The following RTN2 variants were observed in gnomAD, a reference collection of about 807,000 sequenced individuals.
The protein encoded by RTN2 is reticulon 2.
Under a neutral mutation model 63.7 loss-of-function variants are expected in RTN2, and 36 were observed. That is an observed-to-expected ratio of 0.56 (90% CI 0.43 to 0.75). RTN2 has a LOEUF of 0.75. Among genes scored for constraint, RTN2 ranks in the 30% least tolerant of loss-of-function variants. RTN2 has a pLI of 0.00. For missense variants in RTN2, 673 were observed against 705.1 expected (o/e 0.95, Z 0.52); for synonymous variants, 312 against 313.0 (o/e 1.00, Z 0.03).
At chr19:45,491,192 A>AT (rs540698296) in intron 5 of RTN2, among the ~76,000 whole-genome samples, 15,326 of 141,190 alleles carry the variant, frequency 0.11, 866 homozygotes, top group East Asian at 0.2. Flanking sequence ...GCCCGGCCAC[A>AT]TTTTTTTTTT....
chr19:45,494,351 C>G lies in RTN2; in HGVS notation c.629G>C (p.Gly210Ala), dbSNP rs1373344868. ...AGTACCGGCCTGGGGTGTCCCAGAGCCCGGACTGAGCTGGGGAGTCAAGAC... is the reference window on the plus strand; with the variant it reads ...AGTACCGGCCTGGGGTGTCCCAGAGGCCGGACTGAGCTGGGGAGTCAAGAC... ...PEVLTPQLSP[G>A]SGTPQAGTPS... Residue 210 changes from glycine to alanine, a missense_variant, in exon 4 of 11, where the codon GGC becomes GCC. Gly to Ala is a moderately conservative substitution (Grantham distance 60, BLOSUM62 0). Transcript: ENST00000245923. The surrounding 1 kb of genome is among the most constrained non-coding windows in gnomAD (Gnocchi z 5.3). 1 of 1,614,028 alleles carries G rather than the reference C, an allele frequency of 6.2e-7. No individual in the cohort carries two copies. Among genetic ancestry groups the G allele is most frequent in the Non-Finnish European group, 8.5e-7 (1 of 1,180,046 alleles).
At chr19:45,486,425 G>A (rs569549233) in intron 9 of RTN2, among the ~76,000 whole-genome samples, 42 of 152,298 alleles carry the variant, frequency 2.8e-4, no homozygotes, top group African/African-American at 9.9e-4. Context: ...TGTGGGGTAG[G>A]GTGAGAACAG....
chr19:45,487,609 A>T, intron 9 of RTN2, among the ~76,000 whole-genome samples: 1 of 123,424 alleles, frequency 8.1e-6, no homozygotes, highest in Admixed American at 8.8e-5. Flanking sequence ...TTTTTGAGAC[A>T]GACTCTTGCT....
intron 4 of RTN2, among the ~76,000 whole-genome samples, chr19:45,493,652 C>T (rs546050866): frequency 6.6e-6 from 1 of 152,178 alleles, no homozygotes; most frequent in South Asian, 2.1e-4. Flanking sequence ...ACGGCCACAT[C>T]TAAATAAGGA....
At position 45,494,326 on chromosome 19, in the gene RTN2, A is replaced by G; in HGVS notation, c.654T>C (p.Thr218=). Residue 218 remains threonine, a synonymous_variant, in exon 4 of 11, where the codon ACT becomes ACC. Transcript: ENST00000245923. The surrounding 1 kb of genome is among the most constrained non-coding windows in gnomAD (Gnocchi z 5.3). The part of the protein sequence containing the change: ...SPGSGTPQAG[T]PSPSRSRDSN... ...AATCTCGCGATCGGGATGGGGACGG[A>G]GTACCGGCCTGGGGTGTCCCAGAGC... 1 of 1,614,116 alleles carries G rather than the reference A, an allele frequency of 6.2e-7. No individual in the cohort carries two copies. The highest frequency in any genetic ancestry group is 8.5e-7 in the Non-Finnish European group (1 of 1,180,020).
At position 45,494,466 on chromosome 19, in the gene RTN2, G is replaced by A. The variant is rs771540486; in HGVS notation, c.560-46C>T. 20 of 1,602,784 alleles carry A rather than the reference G, an allele frequency of 1.2e-5. No homozygotes were observed. In the East Asian group the frequency reaches 3.6e-4, roughly 29 times the overall value. ...GGCCGTGAGCTTTCTTCTTGGAGGT[G>A]CCCCAAGGAGAAACCACCCACCCCT... is the stretch of plus-strand genomic sequence containing the variant. On this transcript the variant is annotated intron_variant, in intron 3 of 10. Coordinates refer to ENST00000245923, the MANE Select transcript of RTN2 (RefSeq NM_005619.5). The surrounding 1 kb of genome is among the most constrained non-coding windows in gnomAD (Gnocchi z 5.3).
At chr19:45,487,942 C>CAA (rs1310199487) in intron 9 of RTN2, among the ~76,000 whole-genome samples, 19 of 67,346 alleles carry the variant, frequency 2.8e-4, no homozygotes, top group African/African-American at 6.6e-4. Flanking sequence ...GACTCCATCT[C>CAA]AAAAAAAAAA....
chr19:45,489,973 C>T (rs766863551), intron 5 of RTN2, among the ~76,000 whole-genome samples: 23 of 152,070 alleles, frequency 1.5e-4, no homozygotes, highest in Non-Finnish European at 3.1e-4. Context: ...ACGTGTGAGG[C>T]ACAGCACACA....
At position 45,488,867 on chromosome 19, in the gene RTN2, T is replaced by C; in HGVS notation, c.1361A>G (p.Asp454Gly). 6.2e-7 allele frequency: 1 copy of C among 1,603,100 alleles called. No homozygotes were observed. The highest frequency in any genetic ancestry group is 1.7e-4 in the Middle Eastern group (1 of 6,046). The change falls in exon 7 of 11, where the codon GAC becomes GGC. Residue 454 changes from aspartate to glycine, a missense_variant. Physicochemically the swap from Asp to Gly is moderately conservative, Grantham distance 94 (BLOSUM62 -1). Transcript: ENST00000245923. ...TQLRHFFLVE[D>G]LVDSLKLALL... is the part of the protein sequence containing the mutation. ...GGCCACCTTGAGGGAATCCACGAGG[T>C]CTTCTACCAGGAAGAAGTGCCGCAG...
intron 10 of RTN2, 96 bp from the exon 11 acceptor site, chr19:45,485,885 A>G: frequency 8.2e-7 from 1 of 1,226,482 alleles, no homozygotes; most frequent in South Asian, 1.2e-5. Context: ...ACTGACCAAG[A>G]GCCCGAAGCC....
Position 45,494,474 on chromosome 19 carries a change from G to A in RTN2, c.559+52C>T, listed in dbSNP as rs1968228421. 1.2e-6 allele frequency: 2 copies of A among 1,603,780 alleles called. No homozygotes were observed. Among genetic ancestry groups the A allele is most frequent in the African/African-American group, 1.3e-5 (1 of 74,574 alleles). On this transcript the variant is annotated intron_variant, in intron 3 of 10. Coordinates refer to ENST00000245923, the MANE Select transcript of RTN2 (RefSeq NM_005619.5). This position sits in a 1 kb window ranked among gnomAD's most constrained non-coding sequence, Gnocchi z 5.3. ...GCTTTCTTCTTGGAGGTGCCCCAAG[G>A]AGAAACCACCCACCCCTCTTGGCTT...
At chr19:45,491,651 C>A (rs989738675) in intron 5 of RTN2, among the ~76,000 whole-genome samples, 1 of 151,924 alleles carries the variant, frequency 6.6e-6, no homozygotes, top group Non-Finnish European at 1.5e-5. Context: ...CCTGCCTCAG[C>A]CTCCCGAGTA....
chr19:45,488,926 C>G lies in RTN2; in HGVS notation c.1302G>C (p.Gln434His). 1 of 1,611,136 alleles carries G rather than the reference C, an allele frequency of 6.2e-7. No individual in the cohort carries two copies. Among genetic ancestry groups the G allele is most frequent in the Non-Finnish European group, 8.5e-7 (1 of 1,178,926 alleles). Residue 434 changes from glutamine (Q) to histidine (H), a missense_variant, in exon 7 of 11, where the codon CAG becomes CAC. Gln to His is a conservative substitution (Grantham distance 24). Transcript: ENST00000245923. The part of the protein sequence containing the change: ...TREQTERLSH[Q>H]ITSRVVSAAT... ...CCGCCGAGACCACGCGGGAGGTGATCTGGTGGGACAAACGTTCCGTCTGCT... is the reference window on the plus strand; with the variant it reads ...CCGCCGAGACCACGCGGGAGGTGATGTGGTGGGACAAACGTTCCGTCTGCT...
At chr19:45,488,005 C>A (rs1426851428) in intron 9 of RTN2, among the ~76,000 whole-genome samples, 1 of 149,384 alleles carries the variant, frequency 6.7e-6, no homozygotes, top group Non-Finnish European at 1.5e-5. Flanking sequence ...GTAATCCCAG[C>A]ACTTTGGGAG....
intron 5 of RTN2, 68 bp from the exon 6 acceptor site, chr19:45,489,621 G>T: frequency 8.9e-7 from 1 of 1,126,510 alleles, no homozygotes; most frequent in Non-Finnish European, 1.3e-6. Flanking sequence ...CCCTTTCCCT[G>T]TCCTACAGCT....
At chr19:45,495,927 C>A (rs1162791643) in intron 1 of RTN2, among the ~76,000 whole-genome samples, 1 of 152,138 alleles carries the variant, frequency 6.6e-6, no homozygotes, top group Non-Finnish European at 1.5e-5. Context: ...CTCGAAAATG[C>A]TGAAATCACC....
In RTN2 at chr19:45,494,179, C is replaced by T; in HGVS notation, c.801G>A (p.Glu267=). ...DSTDQLEFTV[E]PRLLGTAMEW... ...CACGTTGCTTACCTAGAAGGCGTGG[C>T]TCCACCGTGAATTCTAATTGGTCCG... Residue 267 remains glutamate (E), a synonymous_variant, in exon 4 of 11, where the codon GAG becomes GAA. Transcript: ENST00000245923. The surrounding 1 kb of genome is among the most constrained non-coding windows in gnomAD (Gnocchi z 5.3). 1.9e-6 allele frequency: 3 copies of T among 1,602,806 alleles called. No individual in the cohort carries two copies. The South Asian group carries it at 3.3e-5, about 18-fold the overall frequency.
intron 4 of RTN2, 97 bp from the exon 5 acceptor site, chr19:45,493,475 A>G (rs956316713): frequency 1.1e-6 from 1 of 904,138 alleles, no homozygotes; most frequent in Non-Finnish European, 1.7e-6. Flanking sequence ...GTTTTTTCAA[A>G]TAGAGATCGA....
In RTN2 at chr19:45,489,461, T is replaced by C. The variant is rs1210595046; in HGVS notation, c.1126A>G (p.Ile376Val). Residue 376 changes from isoleucine to valine, a missense_variant, in exon 6 of 11, where the codon ATC becomes GTC. Coordinates refer to ENST00000245923, the MANE Select transcript of RTN2 (RefSeq NM_005619.5). ...GCCAAGTGCGCGGCCACGGACACGA[T>C]GCTAAAGTGCAGGAGGCAGAGGAGG... ...VSLLCLLHFS[I>V]VSVAAHLALL... 2 of 1,612,774 alleles carry C rather than the reference T, an allele frequency of 1.2e-6. No individual in the cohort carries two copies. Among genetic ancestry groups the C allele is most frequent in the East Asian group, 2.2e-5 (1 of 44,840 alleles).
Sources: allele counts gnomAD v4.1 joint callset (sites outside exome capture counted in the v4.1 genomes callset), GRCh38; gene constraint gnomAD v4.1.1; non-coding constraint Gnocchi (gnomAD v3.1); transcripts MANE v1.5; gene names NCBI Gene and HGNC (gene_info 2026-07-23, HGNC 2026-07-21).